The following SF3B4 variants were observed in gnomAD, a reference collection of about 807,000 sequenced individuals.
The protein encoded by SF3B4 is splicing factor 3b subunit 4, also known as SAP 49.
A neutral mutation model predicts 34.3 loss-of-function variants in SF3B4; 3 were observed. That is an observed-to-expected ratio of 0.09 (90% confidence interval 0.04 to 0.23). SF3B4 has a LOEUF of 0.23. Among genes scored for constraint, SF3B4 ranks in the 10% least tolerant of loss-of-function variants. The pLI is 1.00. For synonymous variants in SF3B4, 216 were observed against 207.8 expected, an observed-to-expected ratio of 1.04 and a Z score of -0.34; for missense variants, 283 against 567.2, an observed-to-expected ratio of 0.50 and a Z score of 5.09.
At chr1:149,927,459 C>T (rs2092597597) in intron 1 of SF3B4, 165 bp from the exon 2 acceptor site, 2 of 818,320 alleles carry the variant, frequency 2.4e-6, no homozygotes, top group South Asian at 1.8e-5. Context: ...CCCAGGACTT[C>T]GGGAATCCTC....
At position 149,923,322 on chromosome 1, in the gene SF3B4, A is replaced by G; in HGVS notation, c.*220T>C. ...GTCAAGGAAAACACCACAAATAAACAAGGAGTTTAGTTTTATTTTCTCTGT... is the reference window on the plus strand; with the variant it reads ...GTCAAGGAAAACACCACAAATAAACGAGGAGTTTAGTTTTATTTTCTCTGT... On this transcript the variant is annotated 3_prime_UTR_variant, in exon 6 of 6. Coordinates refer to ENST00000271628, the MANE Select transcript of SF3B4 (RefSeq NM_005850.5). The G allele has an allele frequency of 2.0e-6, 1 of 501,584 alleles. No homozygotes were observed. Among genetic ancestry groups the G allele is most frequent in the Non-Finnish European group, 3.5e-6 (1 of 287,328 alleles). The allele number at this position is 501,584 out of a possible 1,614,324, so 31.1% of individuals were successfully genotyped here. A position where few individuals can be genotyped will look rare whatever the true frequency, so the allele number is the denominator to read the frequency against.
rs587685122 is a variant in SF3B4 at position 149,927,765 on chromosome 1, A to AAGAGATC, written c.-13_-7dup. On this transcript the variant is annotated 5_prime_UTR_variant, in exon 1 of 6. Coordinates refer to ENST00000271628, the MANE Select transcript of SF3B4 (RefSeq NM_005850.5). Reference sequence around the variant, plus strand: ...GAGATCGGCCCGGCAGCCATGGCGAAAGAGATCCCGCCGTCTCCCAGCAGC... The same window carrying AAGAGATC: ...GAGATCGGCCCGGCAGCCATGGCGAAAGAGATCAGAGATCCCGCCGTCTCCCAGCAGC... 4.0e-4 allele frequency: 618 copies of AAGAGATC among 1,552,814 alleles called. 8 individuals are homozygous for AAGAGATC. In the South Asian group the frequency reaches 6.9e-3, roughly 17 times the overall value.
In SF3B4 at chr1:149,926,092, G is replaced by T; in HGVS notation, c.707-50C>A. 2.1e-6 allele frequency: 2 copies of T among 946,186 alleles called. No homozygotes were observed. Among genetic ancestry groups the T allele is most frequent in the Non-Finnish European group, 3.1e-6 (2 of 635,788 alleles). The allele number at this position is 946,186 out of a possible 1,614,324, so 58.6% of individuals were successfully genotyped here. A position where few individuals can be genotyped will look rare whatever the true frequency, so the allele number is the denominator to read the frequency against. On this transcript the variant is annotated intron_variant, in intron 3 of 5. Transcript: ENST00000271628. The surrounding 1 kb of genome is among the most constrained non-coding windows in gnomAD (Gnocchi z 6.2). Reference sequence around the variant, plus strand: ...GAGTTAATGGTAGTGAGGAGAAAATGTCTTTAAAGAGCCTGTCCTGATCTG... The same window carrying T: ...GAGTTAATGGTAGTGAGGAGAAAATTTCTTTAAAGAGCCTGTCCTGATCTG...
At position 149,926,005 on chromosome 1, in the gene SF3B4, T is replaced by C. The variant is rs200149254; in HGVS notation, c.744A>G (p.Pro248=). 10 of 1,500,156 alleles carry C rather than the reference T, an allele frequency of 6.7e-6. No individual in the cohort carries two copies. Among genetic ancestry groups the C allele is most frequent in the African/African-American group, 1.4e-5 (1 of 71,028 alleles). The allele number at this position is 1,500,156 out of a possible 1,614,324, so 92.9% of individuals were successfully genotyped here. A position where few individuals can be genotyped will look rare whatever the true frequency, so the allele number is the denominator to read the frequency against. ...PPPGSFPPPV[P]PPGALPPGIP... is the part of the protein sequence containing the mutation. Reference sequence around the variant, plus strand: ...TCCCAGGTGGGAGGGCTCCAGGAGGTGGCACTGGGGGTGGGAAGGAGCCAG... The same window carrying C: ...TCCCAGGTGGGAGGGCTCCAGGAGGCGGCACTGGGGGTGGGAAGGAGCCAG... Residue 248 remains proline, a synonymous_variant, in exon 4 of 6, where the codon CCA becomes CCG. Coordinates refer to ENST00000271628, the MANE Select transcript of SF3B4 (RefSeq NM_005850.5). This position sits in a 1 kb window ranked among gnomAD's most constrained non-coding sequence, Gnocchi z 6.2.
At chr1:149,924,433 T>C (rs1571524013) in intron 4 of SF3B4, among the ~76,000 whole-genome samples, 2 of 152,042 alleles carry the variant, frequency 1.3e-5, no homozygotes, top group East Asian at 3.9e-4. Context: ...TGAGACCCCA[T>C]CACCAAAAAA....
At position 149,927,009 on chromosome 1, in the gene SF3B4, G is replaced by C. The variant is rs2092593818; in HGVS notation, c.164-91C>G. On this transcript the variant is annotated intron_variant, in intron 2 of 5. Coordinates refer to ENST00000271628, the MANE Select transcript of SF3B4 (RefSeq NM_005850.5). ...TCTACCCTCTAATCACAAAGAACAA[G>C]AAAGAAACAACATCACTTTACTTAA... 2.1e-6 allele frequency: 3 copies of C among 1,462,178 alleles called. No homozygotes were observed. In the Admixed American group the frequency reaches 6.7e-5, roughly 33 times the overall value. 90.6% of individuals were successfully genotyped at this position (1,462,178 alleles called of 1,614,324 possible).
At chr1:149,924,077 G>A (rs1338729979) in intron 4 of SF3B4, 63 bp from the exon 5 acceptor site, 1 of 1,353,938 alleles carries the variant, frequency 7.4e-7, no homozygotes. Flanking sequence ...AGAAAATAGA[G>A]AAAGGAAGAA....
chr1:149,925,720 G>A (rs115760149), intron 4 of SF3B4, 116 bp downstream of exon 4: 1 of 796,168 alleles, frequency 1.3e-6, no homozygotes, highest in Non-Finnish European at 2.2e-6. Context: ...TAGAATGTCT[G>A]AAGGAAAGGA....
At chr1:149,925,766 C>A (rs1553765917) in intron 4 of SF3B4, 70 bp downstream of exon 4, 3 of 1,139,882 alleles carry the variant, frequency 2.6e-6, no homozygotes, top group Non-Finnish European at 4.0e-6. Context: ...GAACAAAGGG[C>A]AGCAGGGTGA....
chr1:149,923,622 C>A lies in SF3B4; in HGVS notation c.1195G>T (p.Gly399Trp). The stretch of plus-strand genomic sequence containing the variant: ...GTGGGTCTGGGTGGAGGGAGAGGCC[C>A]CCGCTGGTAGCCATAGGGTGGGGGT... Reference protein sequence around the residue: ...PRPPPYGYQRGPLPPPRPTPR... With the variant: ...PRPPPYGYQRWPLPPPRPTPR... The change falls in exon 6 of 6, where the codon GGG becomes TGG. Residue 399 changes from glycine to tryptophan, a missense_variant. Gly to Trp is a radical substitution (Grantham distance 184, BLOSUM62 -2). This residue lies in a region of SF3B4 where 208 missense variants were observed against 292.6 expected (regional missense o/e 0.71). Coordinates refer to ENST00000271628, the MANE Select transcript of SF3B4 (RefSeq NM_005850.5). 1 of 1,537,308 alleles carries A rather than the reference C, an allele frequency of 6.5e-7. No homozygotes were observed. Among genetic ancestry groups the A allele is most frequent in the Non-Finnish European group, 8.7e-7 (1 of 1,154,468 alleles).
In SF3B4 at chr1:149,927,628, G is replaced by A. The variant is rs192769105; in HGVS notation, c.34+98C>T. 528 of 1,458,456 alleles carry A rather than the reference G, an allele frequency of 3.6e-4. 4 individuals are homozygous for A. The African/African-American group carries it at 6.7e-3, about 18-fold the overall frequency. The allele number at this position is 1,458,456 out of a possible 1,614,324, so 90.3% of individuals were successfully genotyped here. ...CCGGTCTCGCGCCCTCTGGGGAAGG[G>A]AGGAGTCCAGTCTCCCACCCCTGCA... On this transcript the variant is annotated intron_variant, in intron 1 of 5. Transcript: ENST00000271628.
At position 149,926,949 on chromosome 1, in the gene SF3B4, CG is replaced by C. The variant is rs2092593377; in HGVS notation, c.164-32del. The C allele has an allele frequency of 6.4e-7, 1 of 1,567,540 alleles. No individual in the cohort carries two copies. Among genetic ancestry groups the C allele is most frequent in the Admixed American group, 1.9e-5 (1 of 51,444 alleles). On this transcript the variant is annotated intron_variant, in intron 2 of 5. Coordinates refer to ENST00000271628, the MANE Select transcript of SF3B4 (RefSeq NM_005850.5). This position sits in a 1 kb window ranked among gnomAD's most constrained non-coding sequence, Gnocchi z 6.2. ...AAAGTGGAGAAGAGGAGGTTAACAACGTAAGTAAAGAGACTGAAAATGGGGT... is the reference window on the plus strand; with the variant it reads ...AAAGTGGAGAAGAGGAGGTTAACAACTAAGTAAAGAGACTGAAAATGGGGT...
At chr1:149,927,390 G>A (rs1312761910) in intron 1 of SF3B4, 96 bp from the exon 2 acceptor site, 2 of 1,497,572 alleles carry the variant, frequency 1.3e-6, no homozygotes, top group Admixed American at 3.6e-5. Flanking sequence ...AGGGGAACTG[G>A]GGACCGCGGT....
Position 149,926,016 on chromosome 1 carries a change from G to A in SF3B4, c.733C>T (p.Pro245Ser), listed in dbSNP as rs1553765984. ...PGMPPPGSFP[P>S]PVPPPGALPP... ...AGGGCTCCAGGAGGTGGCACTGGGG[G>A]TGGGAAGGAGCCAGGAGGAGGCATG... Residue 245 changes from proline to serine, a missense_variant, in exon 4 of 6, where the codon CCC becomes TCC. Transcript: ENST00000271628. The surrounding 1 kb of genome is among the most constrained non-coding windows in gnomAD (Gnocchi z 6.2). 7.3e-6 allele frequency: 11 copies of A among 1,499,410 alleles called. No individual in the cohort carries two copies. Among genetic ancestry groups the A allele is most frequent in the Non-Finnish European group, 9.8e-6 (11 of 1,119,566 alleles). 92.9% of individuals were successfully genotyped at this position (1,499,410 alleles called of 1,614,324 possible).
At chr1:149,923,798 A>C (rs587737039) in intron 5 of SF3B4, 43 bp downstream of exon 5, 5 of 1,540,006 alleles carry the variant, frequency 3.2e-6, no homozygotes, top group African/African-American at 2.8e-5. Context: ...AGCTGTAAGA[A>C]CATGATAAGT....
chr1:149,924,610 G>A (rs1559797792), intron 4 of SF3B4, among the ~76,000 whole-genome samples: 2 of 152,104 alleles, frequency 1.3e-5, no homozygotes, highest in African/African-American at 4.8e-5. Context: ...TATAACAAGT[G>A]GAGTAATAAC....
At chr1:149,924,347 G>C (rs2092575218) in intron 4 of SF3B4, among the ~76,000 whole-genome samples, 1 of 152,082 alleles carries the variant, frequency 6.6e-6, no homozygotes, top group South Asian at 2.1e-4. Context: ...TGAGGTGGGA[G>C]GATCACTTGG....
intron 1 of SF3B4, 56 bp from the exon 2 acceptor site, chr1:149,927,350 G>C: frequency 6.3e-7 from 1 of 1,598,190 alleles, no homozygotes; most frequent in Non-Finnish European, 8.5e-7. Context: ...AAGGAAGGAA[G>C]TGATGGAAAC....
rs1183225268 is a variant in SF3B4 at position 149,926,695 on chromosome 1, G to A, written c.387C>T (p.Thr129=). Residue 129 remains threonine, a synonymous_variant, in exon 3 of 6, where the codon ACC becomes ACT. Transcript: ENST00000271628. The surrounding 1 kb of genome is among the most constrained non-coding windows in gnomAD (Gnocchi z 6.2). ...TGTCAGGGTCCCGCATAATTTTGGG[G>A]GTTTGTAAGATGACCCCAAAGGCGC... ...TFSAFGVILQ[T]PKIMRDPDTG... The A allele has an allele frequency of 1.2e-6, 2 of 1,614,050 alleles. No individual in the cohort carries two copies. The highest frequency in any genetic ancestry group is 1.7e-6 in the Non-Finnish European group (2 of 1,179,980).
Sources: gnomAD v4.1 joint callset for allele counts (sites outside exome capture counted in the v4.1 genomes callset) on GRCh38, gnomAD v4.1.1 for gene constraint, gnomAD v4.1.1 regional missense constraint, Gnocchi (gnomAD v3.1) non-coding constraint, MANE v1.5 for transcripts, NCBI Gene and HGNC (gene_info 2026-07-23, HGNC 2026-07-21) for gene names.